Variants in PTPRU observed in about 807,000 individuals in gnomAD.
The protein encoded by PTPRU is protein tyrosine phosphatase receptor type U.
A neutral mutation model predicts 166.3 loss-of-function variants in PTPRU; 69 were observed. The observed-to-expected ratio is 0.41, with a 90% CI of 0.34 to 0.51. The LOEUF is 0.51. Among genes scored for constraint, PTPRU ranks in the 20% least tolerant of loss-of-function variants. PTPRU has a pLI of 0.09. For synonymous variants in PTPRU, 793 were observed against 814.0 expected (o/e 0.97, Z 0.44); for missense variants, 1,657 against 2,013.7 (o/e 0.82, Z 3.39).
In PTPRU at chr1:29,317,813, C is replaced by T. The variant is rs1287521720; in HGVS notation, c.3579C>T (p.Asn1193=). 2 of 1,613,562 alleles carry T rather than the reference C, an allele frequency of 1.2e-6. No homozygotes were observed. The highest frequency in any genetic ancestry group is 1.7e-6 in the Non-Finnish European group (2 of 1,180,034). The change falls in exon 25 of 30, where the codon AAC becomes AAT. Residue 1193 remains asparagine, a synonymous_variant. Coordinates refer to ENST00000373779, the MANE Select transcript of PTPRU (RefSeq NM_133178.4). The surrounding 1 kb of genome is among the most constrained non-coding windows in gnomAD (Gnocchi z 5.6). ...EECSIALLPR[N]RDKNRSMDVL... ...GCAGCATCGCCCTGTTGCCCCGGAACCGCGACAAGAACCGCAGCATGGACG... is the reference window on the plus strand; with the variant it reads ...GCAGCATCGCCCTGTTGCCCCGGAATCGCGACAAGAACCGCAGCATGGACG...
intron 7 of PTPRU, among the ~76,000 whole-genome samples, chr1:29,262,386 G>A (rs1014192698): frequency 6.6e-6 from 1 of 152,068 alleles, no homozygotes; most frequent in South Asian, 2.1e-4. Context: ...GGTAGTCCCC[G>A]TGTATCTGAA....
At chr1:29,283,033 C>G in intron 12 of PTPRU, 84 bp downstream of exon 12, 1 of 1,546,478 alleles carries the variant, frequency 6.5e-7, no homozygotes, top group Non-Finnish European at 8.7e-7. Context: ...AGGCCCAGCG[C>G]AGACTCCAGG....
intron 7 of PTPRU, among the ~76,000 whole-genome samples, chr1:29,269,615 T>C (rs1685476673): frequency 6.6e-6 from 1 of 152,148 alleles, no homozygotes; most frequent in Admixed American, 6.6e-5. Context: ...TTAGGCGCGT[T>C]GGCCGGCAGT....
intron 25 of PTPRU, among the ~76,000 whole-genome samples, chr1:29,319,607 G>A (rs1557488209): frequency 6.6e-6 from 1 of 152,260 alleles, no homozygotes; most frequent in Non-Finnish European, 1.5e-5. Context: ...TTGAGGAGTT[G>A]TTAATCAGGA....
intron 8 of PTPRU, among the ~76,000 whole-genome samples, chr1:29,276,852 G>C (rs897907119): frequency 2.6e-5 from 4 of 151,972 alleles, no homozygotes; most frequent in African/African-American, 9.7e-5. Flanking sequence ...TTTGCCTTTT[G>C]AGATAGAAGT....
chr1:29,325,891 C>T lies in PTPRU; in HGVS notation c.*230C>T, dbSNP rs1350475818. 1 of 555,558 alleles carries T rather than the reference C, an allele frequency of 1.8e-6. No homozygotes were observed. Among genetic ancestry groups the T allele is most frequent in the Non-Finnish European group, 3.1e-6 (1 of 320,168 alleles). The allele number at this position is 555,558 out of a possible 1,614,324, so 34.4% of individuals were successfully genotyped here. A position where few individuals can be genotyped will look rare whatever the true frequency, so the allele number is the denominator to read the frequency against. ...AGCTTAGCAAGTCTGCAGCCCAGCC[C>T]CACCTCCATAGGGTCCTGCAGGCCT... On this transcript the variant is annotated 3_prime_UTR_variant, in exon 30 of 30. Transcript: ENST00000373779.
chr1:29,289,465 G>A (rs1326909869), intron 14 of PTPRU, among the ~76,000 whole-genome samples: 1 of 152,140 alleles, frequency 6.6e-6, no homozygotes, highest in Non-Finnish European at 1.5e-5. Context: ...CACTCCTGCA[G>A]TAGGCTTGGG....
At chr1:29,241,431 G>A (rs1433662801) in intron 1 of PTPRU, among the ~76,000 whole-genome samples, 1 of 152,032 alleles carries the variant, frequency 6.6e-6, no homozygotes, top group Non-Finnish European at 1.5e-5. Context: ...GGGCTGGCCA[G>A]GTGCCTGAGT....
At chr1:29,289,323 G>A (rs1686509458) in intron 14 of PTPRU, among the ~76,000 whole-genome samples, 1 of 152,132 alleles carries the variant, frequency 6.6e-6, no homozygotes, top group African/African-American at 2.4e-5. Context: ...ATTTGTGGGT[G>A]TTGATATGTG....
intron 18 of PTPRU, 100 bp downstream of exon 18, chr1:29,305,528 A>G (rs769319522): frequency 8.1e-7 from 1 of 1,236,344 alleles, no homozygotes; most frequent in South Asian, 1.2e-5. Flanking sequence ...TGGGGGTTCA[A>G]ATGGCTGAGT....
intron 14 of PTPRU, among the ~76,000 whole-genome samples, chr1:29,290,089 C>T (rs563383831): frequency 1.4e-4 from 22 of 152,332 alleles, no homozygotes; most frequent in South Asian, 2.1e-4. Flanking sequence ...GTTCAGGACA[C>T]GCTCTGGAGC....
At chr1:29,273,735 T>G (rs186125647) in intron 7 of PTPRU, among the ~76,000 whole-genome samples, 1 of 152,214 alleles carries the variant, frequency 6.6e-6, no homozygotes, top group Admixed American at 6.5e-5. Context: ...GGGATAGCAT[T>G]CTGGTCCATA....
chr1:29,258,825 A>T, intron 3 of PTPRU, 49 bp downstream of exon 3: 1 of 1,526,484 alleles, frequency 6.6e-7, no homozygotes, highest in Non-Finnish European at 8.8e-7. Flanking sequence ...GGTGGGGCAG[A>T]TGGATGTCAA....
rs138316498 is a variant in PTPRU, at chr1:29,302,151, A to ATGTGTGTG, written c.2477-1678_2477-1671dup. Among the ~76,000 whole-genome samples the ATGTGTGTG allele has an allele frequency of 1.9e-3, 272 of 142,304 alleles. 1 individual carries two copies. The highest frequency in any genetic ancestry group is 6.6e-3 in the African/African-American group (256 of 38,876). The allele number at this position is 142,304 out of a possible 152,430, so 93.4% of individuals were successfully genotyped here. Reference sequence around the variant, plus strand: ...CCTGTGCAGGCCTAGGCTAATGTGTATGTGTGTGTGTGTGTGTGTGTGTGT... The same window carrying ATGTGTGTG: ...CCTGTGCAGGCCTAGGCTAATGTGTATGTGTGTGTGTGTGTGTGTGTGTGTGTGTGTGT... On this transcript the variant is annotated intron_variant, in intron 15 of 29. Transcript: ENST00000373779.
intron 1 of PTPRU, among the ~76,000 whole-genome samples, chr1:29,242,896 C>T (rs892120713): frequency 2.6e-5 from 4 of 151,696 alleles, no homozygotes; most frequent in Admixed American, 6.6e-5. Flanking sequence ...ATCACGCTCT[C>T]GGTTTCTTTT....
intron 28 of PTPRU, 151 bp downstream of exon 28, chr1:29,323,939 C>T: frequency 9.6e-7 from 1 of 1,037,672 alleles, no homozygotes; most frequent in Non-Finnish European, 1.4e-6. Flanking sequence ...TGCTGCCCAA[C>T]CAGCCAAGGC....
At chr1:29,265,691 C>T (rs777360648) in intron 7 of PTPRU, among the ~76,000 whole-genome samples, 21 of 152,118 alleles carry the variant, frequency 1.4e-4, no homozygotes, top group Non-Finnish European at 2.9e-4. Flanking sequence ...TGTTTGCCAT[C>T]TGTATATCCT....
chr1:29,288,375 G>A (rs532680685), intron 14 of PTPRU, among the ~76,000 whole-genome samples: 1 of 152,310 alleles, frequency 6.6e-6, no homozygotes, highest in South Asian at 2.1e-4. Flanking sequence ...AAAGAACAGG[G>A]TGCTGGGTGT....
chr1:29,259,791 TA>T, intron 5 of PTPRU, 78 bp from the exon 6 acceptor site: 1 of 1,433,264 alleles, frequency 7.0e-7, no homozygotes, highest in Non-Finnish European at 9.2e-7. Flanking sequence ...TAGGGACGGC[TA>T]AATGGGGCCC....
Sources: gnomAD v4.1 joint callset for allele counts (sites outside exome capture counted in the v4.1 genomes callset) on GRCh38, gnomAD v4.1.1 for gene constraint, Gnocchi (gnomAD v3.1) non-coding constraint, MANE v1.5 for transcripts, NCBI Gene and HGNC (gene_info 2026-07-23, HGNC 2026-07-21) for gene names.